The following ZNF385D variants were observed in gnomAD, a reference collection of about 807,000 sequenced individuals.
The protein encoded by ZNF385D is zinc finger protein 385D.
In ZNF385D, 15 loss-of-function variants were observed where a neutral mutation model predicts 35.8. The ratio of observed to expected loss-of-function variants is 0.42; its 90% CI spans 0.28 to 0.64. The LOEUF (loss-of-function observed/expected upper bound fraction) is 0.64. ZNF385D is among the 30% of genes least tolerant of loss of function. The pLI, the probability that ZNF385D is intolerant of heterozygous loss-of-function variation, is 0.23. For missense variants in ZNF385D, 474 were observed against 494.6 expected (o/e 0.96, Z 0.39); for synonymous variants, 212 against 186.8 (o/e 1.13, Z -1.10).
At chr3:21,909,025 G>A (rs1396556550) in intron 3 of ZNF385D, among the ~76,000 whole-genome samples, 1 of 151,932 alleles carries the variant, frequency 6.6e-6, no homozygotes, top group African/African-American at 2.4e-5. Context: ...CAAAGCAGAA[G>A]TACAGTTTTC....
rs200928644 is a variant in ZNF385D, at chr3:21,841,858, CT to C, written c.326-176831del. Among the ~76,000 whole-genome samples, 881 of 151,556 alleles carry C rather than the reference CT, an allele frequency of 5.8e-3. 13 individuals are homozygous for C. The highest frequency in any genetic ancestry group is 0.02 in the African/African-American group (814 of 41,410). ...ATACATATTTTTCTGTGCCTTTATA[CT>C]TTTTTTGTTTCTATTCTTTCTCTAA... is the stretch of plus-strand genomic sequence containing the variant. On this transcript the variant is annotated intron_variant, in intron 3 of 5. Coordinates refer to the ZNF385D transcript ENST00000494108.
At chr3:21,498,426 C>T (rs1018262309) in intron 4 of ZNF385D, among the ~76,000 whole-genome samples, 2 of 152,140 alleles carry the variant, frequency 1.3e-5, no homozygotes, top group Admixed American at 6.5e-5. Flanking sequence ...AAACAGACAA[C>T]CTACAGAATG....
intron 2 of ZNF385D, among the ~76,000 whole-genome samples, chr3:22,230,680 A>C (rs544804124): frequency 3.3e-5 from 5 of 152,308 alleles, no homozygotes; most frequent in African/African-American, 1.2e-4. Flanking sequence ...CTTAGAGTAC[A>C]TATGCCATTT....
At chr3:21,752,954 A>AG (rs1249200394), upstream of ZNF385D, among the ~76,000 whole-genome samples, 1 of 152,094 alleles carries the variant, frequency 6.6e-6, no homozygotes, top group African/African-American at 2.4e-5. Flanking sequence ...TACATGTGCT[A>AG]GGGGGCACTG....
At chr3:21,946,887 C>T (rs1451057824) in intron 3 of ZNF385D, among the ~76,000 whole-genome samples, 4 of 152,140 alleles carry the variant, frequency 2.6e-5, no homozygotes, top group African/African-American at 4.8e-5. Flanking sequence ...GAAGCATCTT[C>T]CACAAAAACA....
At chr3:21,774,742 T>G (rs2071217966) in intron 3 of ZNF385D, among the ~76,000 whole-genome samples, 1 of 151,946 alleles carries the variant, frequency 6.6e-6, no homozygotes, top group Non-Finnish European at 1.5e-5. Flanking sequence ...AACATGATTT[T>G]GGCTTTCCCA....
chr3:21,723,630 C>G (rs533676871), intron 1 of ZNF385D, among the ~76,000 whole-genome samples: 1 of 152,250 alleles, frequency 6.6e-6, no homozygotes, highest in South Asian at 2.1e-4. Context: ...AACAAAGCCT[C>G]CAAGAAATAT....
chr3:22,153,496 C>T (rs1448341257), intron 3 of ZNF385D, among the ~76,000 whole-genome samples: 6 of 137,318 alleles, frequency 4.4e-5, no homozygotes, highest in South Asian at 2.3e-4. Flanking sequence ...GACAGAGTCT[C>T]TCTGTCACCC....
intron 2 of ZNF385D, among the ~76,000 whole-genome samples, chr3:22,328,522 T>C (rs1300449967): frequency 1.3e-5 from 2 of 152,156 alleles, no homozygotes; most frequent in African/African-American, 2.4e-5. Context: ...CCCAGCACTT[T>C]GGGAGGCCGA....
At chr3:21,926,414 T>A (rs748931987) in intron 3 of ZNF385D, among the ~76,000 whole-genome samples, 2 of 152,178 alleles carry the variant, frequency 1.3e-5, no homozygotes, top group South Asian at 2.1e-4. Flanking sequence ...TTTAGTTTCC[T>A]GAGAATGATG....
intron 2 of ZNF385D, among the ~76,000 whole-genome samples, chr3:22,191,384 G>A (rs1341980227): frequency 6.6e-6 from 1 of 151,886 alleles, no homozygotes; most frequent in Non-Finnish European, 1.5e-5. Context: ...CTACTCAGGA[G>A]GCTGAGGCAG....
At chr3:21,623,015 G>A (rs2065047269) in intron 2 of ZNF385D, among the ~76,000 whole-genome samples, 1 of 152,106 alleles carries the variant, frequency 6.6e-6, no homozygotes, top group Non-Finnish European at 1.5e-5. Flanking sequence ...AGAAGAACAA[G>A]TATTTAAATA....
chr3:21,765,017 A>G (rs1015145467), intron 3 of ZNF385D, among the ~76,000 whole-genome samples: 5 of 152,208 alleles, frequency 3.3e-5, no homozygotes, highest in Admixed American at 1.3e-4. Context: ...AGCTGTCTCA[A>G]GTAAATAAAG....
At chr3:22,192,702 C>G (rs1000216626) in intron 2 of ZNF385D, among the ~76,000 whole-genome samples, 4 of 152,138 alleles carry the variant, frequency 2.6e-5, no homozygotes, top group Admixed American at 6.6e-5. Context: ...GCTTCCTAAC[C>G]AAGCTTCTTC....
intron 1 of ZNF385D, among the ~76,000 whole-genome samples, chr3:21,696,414 C>CACACT (rs2067472793): frequency 6.6e-6 from 1 of 152,162 alleles, no homozygotes; most frequent in African/African-American, 2.4e-5. Flanking sequence ...ACAGAGAAAA[C>CACACT]ACACTACAAA....
At chr3:22,168,321 T>A (rs1706467824) in intron 3 of ZNF385D, among the ~76,000 whole-genome samples, 1 of 152,184 alleles carries the variant, frequency 6.6e-6, no homozygotes, top group South Asian at 2.1e-4. Flanking sequence ...CTAAAGTTAT[T>A]AAATAAACCA....
At chr3:21,576,061 A>G (rs1400555991) in intron 2 of ZNF385D, among the ~76,000 whole-genome samples, 7 of 152,208 alleles carry the variant, frequency 4.6e-5, no homozygotes, top group Non-Finnish European at 1.5e-5. Context: ...CAACTCTGTG[A>G]GTAAACTCTA....
chr3:21,973,242 G>T (rs1287193874), intron 3 of ZNF385D, among the ~76,000 whole-genome samples: 1 of 151,848 alleles, frequency 6.6e-6, no homozygotes, highest in Non-Finnish European at 1.5e-5. Flanking sequence ...CTTTTTTCCA[G>T]GGATGCAAGA....
chr3:21,831,329 G>T (rs2125763636), intron 3 of ZNF385D, among the ~76,000 whole-genome samples: 1 of 152,200 alleles, frequency 6.6e-6, no homozygotes, highest in South Asian at 2.1e-4. Context: ...TGGTGGAAGA[G>T]AAAATATATA....
Sources: allele counts gnomAD v4.1 joint callset (sites outside exome capture counted in the v4.1 genomes callset), GRCh38; gene constraint gnomAD v4.1.1; transcripts MANE v1.5; gene names NCBI Gene and HGNC (gene_info 2026-07-23, HGNC 2026-07-21).